The following AHCYL2 variants were observed in gnomAD, a reference collection of about 807,000 sequenced individuals.
AHCYL2 encodes adenosylhomocysteinase like 2, also known as S-adenosylhomocysteine hydrolase-like protein 2.
AHCYL2 carries 28 observed loss-of-function variants against 81.4 expected under a neutral mutation model. That is an observed-to-expected ratio of 0.34 (90% CI 0.25 to 0.47). The LOEUF (loss-of-function observed/expected upper bound fraction) is 0.47, where lower values mean the gene tolerates loss of function less well. AHCYL2 is among the 20% of genes least tolerant of loss of function. The probability of loss-of-function intolerance (pLI) is 1.00; values close to 1 mark genes in which losing one functional copy is unlikely to be tolerated. For synonymous variants in AHCYL2, 272 were observed against 290.2 expected (o/e 0.94, Z 0.64); for missense variants, 551 against 785.1 (o/e 0.70, Z 3.56).
chr7:129,316,512 G>A (rs1797828431), intron 1 of AHCYL2, among the ~76,000 whole-genome samples: 2 of 152,132 alleles, frequency 1.3e-5, no homozygotes, highest in Non-Finnish European at 2.9e-5. Flanking sequence ...AAGCTGTAAG[G>A]CCAAAATGAA....
chr7:129,379,816 G>A lies in AHCYL2; in HGVS notation c.475+67G>A, dbSNP rs1794868853. 5.6e-6 allele frequency: 7 copies of A among 1,248,084 alleles called. No individual in the cohort carries two copies. The South Asian group carries it at 9.3e-5, about 17-fold the overall frequency. 77.3% of individuals were successfully genotyped at this position (1,248,084 alleles called of 1,614,324 possible). Reference sequence around the variant, plus strand: ...AAGTACGATCTCAATGGGCCCTCCTGTCTATCCAAGGCTAATTAAGCATGA... The same window carrying A: ...AAGTACGATCTCAATGGGCCCTCCTATCTATCCAAGGCTAATTAAGCATGA... On this transcript the variant is annotated intron_variant, in intron 2 of 16. Coordinates refer to ENST00000325006, the MANE Select transcript of AHCYL2 (RefSeq NM_015328.4).
chr7:129,335,372 C>G (rs1798564137), intron 1 of AHCYL2, among the ~76,000 whole-genome samples: 1 of 135,664 alleles, frequency 7.4e-6, no homozygotes, highest in Non-Finnish European at 1.6e-5. Flanking sequence ...GAGACCCTGT[C>G]TAAAAAAAAA....
At chr7:129,373,094 G>GA (rs199575675) in intron 1 of AHCYL2, among the ~76,000 whole-genome samples, 3 of 151,822 alleles carry the variant, frequency 2.0e-5, no homozygotes, top group Non-Finnish European at 2.9e-5. Context: ...ATTGGAAGCT[G>GA]AAAAAAATTT....
intron 1 of AHCYL2, among the ~76,000 whole-genome samples, chr7:129,284,100 G>T (rs954590501): frequency 6.6e-6 from 1 of 152,142 alleles, no homozygotes; most frequent in Non-Finnish European, 1.5e-5. Flanking sequence ...GGAAGAATGT[G>T]TCCTAGCTGA....
chr7:129,277,365 C>T (rs1231134199), intron 1 of AHCYL2, among the ~76,000 whole-genome samples: 3 of 151,574 alleles, frequency 2.0e-5, no homozygotes, highest in Admixed American at 1.3e-4. Context: ...GCAACCTCCG[C>T]CTCCTGGGTT....
intron 2 of AHCYL2, chr7:129,388,204 A>G (rs1795289040): frequency 6.6e-6 from 1 of 152,178 alleles, no homozygotes; most frequent in Non-Finnish European, 1.5e-5. Flanking sequence ...AAGCTCAAAC[A>G]CAAATCAGGG....
chr7:129,408,433 G>A (rs1380280199), intron 10 of AHCYL2, among the ~76,000 whole-genome samples: 5 of 152,166 alleles, frequency 3.3e-5, no homozygotes, highest in Non-Finnish European at 7.3e-5. Flanking sequence ...GAGGCAGCAA[G>A]GACATTCTTG....
At chr7:129,245,274 C>T (rs1370932922) in intron 1 of AHCYL2, among the ~76,000 whole-genome samples, 2 of 152,140 alleles carry the variant, frequency 1.3e-5, no homozygotes, top group African/African-American at 2.4e-5. Context: ...ATCGACCTGC[C>T]TCAGCCTCCC....
Position 129,427,063 on chromosome 7 carries a change from C to G in AHCYL2, c.*18C>G. 6.2e-7 allele frequency: 1 copy of G among 1,602,332 alleles called. No homozygotes were observed. Among genetic ancestry groups the G allele is most frequent in the Non-Finnish European group, 8.6e-7 (1 of 1,169,534 alleles). On this transcript the variant is annotated 3_prime_UTR_variant, in exon 17 of 17. Transcript: ENST00000325006. This position sits in a 1 kb window ranked among gnomAD's most constrained non-coding sequence, Gnocchi z 5.5. The stretch of plus-strand genomic sequence containing the variant: ...GGTATTAAGTTCCTGTAACTCAAAC[C>G]AGAATTTTTAAGGAATAGAACTCCA...
chr7:129,408,837 G>A lies in AHCYL2; in HGVS notation c.1296-639G>A, dbSNP rs113746440. 5.4e-3 allele frequency among the ~76,000 whole-genome samples: 824 copies of A among 152,292 alleles called. 10 individuals are homozygous for A. The highest frequency in any genetic ancestry group is 0.019 in the African/African-American group (796 of 41,560). On this transcript the variant is annotated intron_variant, in intron 10 of 16. Coordinates refer to ENST00000325006, the MANE Select transcript of AHCYL2 (RefSeq NM_015328.4). The stretch of plus-strand genomic sequence containing the variant: ...GAGAAGTAAGAGGAAAACCAGGAGA[G>A]ATGTATCATGGAGTCCAAGGGGTAT...
Position 129,363,488 on chromosome 7 carries a change from C to CA in AHCYL2, c.364-16142dup, listed in dbSNP as rs113846262. ...TTAGTTAAAACCTACAGTAAGGAAA[C>CA]AAAAAAAAGTCATAACTAAAAACAA... On this transcript the variant is annotated intron_variant, in intron 1 of 16. Coordinates refer to ENST00000325006, the MANE Select transcript of AHCYL2 (RefSeq NM_015328.4). 1.1e-3 allele frequency among the ~76,000 whole-genome samples: 164 copies of CA among 151,516 alleles called. 1 individual carries two copies. Among genetic ancestry groups the CA allele is most frequent in the Middle Eastern group, 3.4e-3 (1 of 294 alleles).
chr7:129,325,605 T>C (rs1358359866), intron 1 of AHCYL2, among the ~76,000 whole-genome samples: 1 of 152,216 alleles, frequency 6.6e-6, no homozygotes, highest in East Asian at 1.9e-4. Flanking sequence ...TATTCTATTT[T>C]CTATACCCCT....
At chr7:129,302,081 T>C (rs140151898) in intron 1 of AHCYL2, among the ~76,000 whole-genome samples, 137 of 152,318 alleles carry the variant, frequency 9.0e-4, no homozygotes, top group African/African-American at 3.2e-3. Context: ...ATAGTTTTCA[T>C]TGTAGATATA....
intron 2 of AHCYL2, among the ~76,000 whole-genome samples, chr7:129,382,775 A>G (rs1189250899): frequency 3.4e-5 from 5 of 146,276 alleles, no homozygotes; most frequent in African/African-American, 1.3e-4. Flanking sequence ...GTGTGGTGGC[A>G]CATGCCTGTA....
At chr7:129,378,688 T>G (rs1489613297) in intron 1 of AHCYL2, among the ~76,000 whole-genome samples, 1 of 152,194 alleles carries the variant, frequency 6.6e-6, no homozygotes, top group Non-Finnish European at 1.5e-5. Flanking sequence ...TTCCTGAGAT[T>G]CTTGAAACCT....
intron 1 of AHCYL2, among the ~76,000 whole-genome samples, chr7:129,364,911 T>G (rs945145032): frequency 7.2e-5 from 11 of 152,218 alleles, no homozygotes; most frequent in Non-Finnish European, 1.6e-4. Flanking sequence ...CTAAGCCTCA[T>G]AAATATAAAA....
Position 129,424,948 on chromosome 7 carries a change from G to T in AHCYL2, c.1629+6G>T. 1 of 1,614,000 alleles carries T rather than the reference G, an allele frequency of 6.2e-7. No homozygotes were observed. The highest frequency in any genetic ancestry group is 8.5e-7 in the Non-Finnish European group (1 of 1,179,976). On this transcript the variant is annotated splice_donor_region_variant and intron_variant, in intron 14 of 16. Coordinates refer to ENST00000325006, the MANE Select transcript of AHCYL2 (RefSeq NM_015328.4). ...CAATCACTGCTACTACTCAGGTAAG[G>T]CTTCCAGAGTGGGATAGCAGTAGTC...
At chr7:129,343,107 A>C (rs1489535044) in intron 1 of AHCYL2, among the ~76,000 whole-genome samples, 4 of 152,196 alleles carry the variant, frequency 2.6e-5, no homozygotes. Flanking sequence ...AGTTGCTTAA[A>C]ATAGCAAAAC....
At chr7:129,325,021 A>AT (rs1413675285) in intron 1 of AHCYL2, among the ~76,000 whole-genome samples, 2 of 152,228 alleles carry the variant, frequency 1.3e-5, no homozygotes, top group Non-Finnish European at 2.9e-5. Context: ...AGTTCTGCAC[A>AT]TAACTCCACA....
Sources: allele counts gnomAD v4.1 joint callset (sites outside exome capture counted in the v4.1 genomes callset), GRCh38; gene constraint gnomAD v4.1.1; non-coding constraint Gnocchi (gnomAD v3.1); transcripts MANE v1.5; gene names NCBI Gene and HGNC (gene_info 2026-07-23, HGNC 2026-07-21).